SASH1: variants seen among roughly 807,000 people sequenced by gnomAD.
The protein encoded by SASH1 is SAM and SH3 domain containing 1.
Under a neutral mutation model 125.2 loss-of-function variants are expected in SASH1, and 44 were observed. That is an observed-to-expected ratio of 0.35 (90% CI 0.28 to 0.45). SASH1 has a LOEUF of 0.45. Among genes scored for constraint, SASH1 ranks in the 20% least tolerant of loss-of-function variants. SASH1 has a pLI of 1.00. For synonymous variants in SASH1, 639 were observed against 649.1 expected (o/e 0.98, Z 0.24); for missense variants, 1,426 against 1,614.5 (o/e 0.88, Z 2.00).
chr6:148,370,527 A>C (rs1782665847), intron 1 of SASH1, among the ~76,000 whole-genome samples: 1 of 152,128 alleles, frequency 6.6e-6, no homozygotes, highest in Admixed American at 6.5e-5. Flanking sequence ...CTTTTTCAAA[A>C]ATATATTCTG....
chr6:148,469,641 G>A (rs1016498747), intron 5 of SASH1, among the ~76,000 whole-genome samples: 9 of 152,152 alleles, frequency 5.9e-5, no homozygotes, highest in Non-Finnish European at 1.0e-4. Context: ...GCTGAGGTGG[G>A]CGGATCCCTT....
chr6:148,424,936 C>G (rs1775745812), intron 2 of SASH1, among the ~76,000 whole-genome samples: 1 of 152,146 alleles, frequency 6.6e-6, no homozygotes, highest in African/African-American at 2.4e-5. Context: ...TTTAAGAAGC[C>G]CTCCAGGGAT....
the SASH1 span, among the ~76,000 whole-genome samples, chr6:148,242,766 G>T: frequency 6.6e-6 from 1 of 152,078 alleles, no homozygotes. Flanking sequence ...CCCTTATGCC[G>T]TTGGTTCATC....
the SASH1 span, among the ~76,000 whole-genome samples, chr6:148,197,465 CTTGAG>C: frequency 1.1e-3 from 171 of 152,292 alleles, no homozygotes; most frequent in South Asian, 2.3e-3. Context: ...CTCCCTGTCC[CTTGAG>C]TTAACCAAGT....
chr6:148,321,298 C>T (rs1780627337), intron 1 of SASH1, among the ~76,000 whole-genome samples: 2 of 150,762 alleles, frequency 1.3e-5, no homozygotes, highest in Non-Finnish European at 2.9e-5. Context: ...AGCTGAGGCA[C>T]GAGAATCTCT....
chr6:148,298,667 GAGGAAGGA>G (rs71031057), intron 1 of SASH1, among the ~76,000 whole-genome samples: 3,078 of 55,454 alleles, frequency 0.056, 113 homozygotes, highest in Admixed American at 0.083. Context: ...GGGAGGGAGG[GAGGAAGGA>G]AGGAAGGAAG....
intron 1 of SASH1, among the ~76,000 whole-genome samples, chr6:148,354,311 GT>G (rs1260656957): frequency 4.6e-5 from 7 of 152,118 alleles, no homozygotes; most frequent in African/African-American, 1.7e-4. Context: ...GCCATTTTTA[GT>G]TTTTTTATGT....
At chr6:148,478,384 T>C (rs1416591793) in intron 7 of SASH1, among the ~76,000 whole-genome samples, 5 of 152,080 alleles carry the variant, frequency 3.3e-5, no homozygotes, top group Admixed American at 6.6e-5. Context: ...ACAACATGGA[T>C]AGAATTGGAG....
chr6:148,468,332 C>T (rs922231373), intron 4 of SASH1, among the ~76,000 whole-genome samples: 4 of 152,184 alleles, frequency 2.6e-5, no homozygotes, highest in African/African-American at 4.8e-5. Context: ...GTCTCACCTT[C>T]GAGTGAGTCT....
At chr6:148,491,493 C>A (rs1226906912) in intron 8 of SASH1, among the ~76,000 whole-genome samples, 1 of 152,178 alleles carries the variant, frequency 6.6e-6, no homozygotes, top group East Asian at 1.9e-4. Flanking sequence ...TGGTCTCGAA[C>A]CTCTGACCTC....
chr6:148,518,620 C>T (rs780489482), intron 9 of SASH1, among the ~76,000 whole-genome samples: 9 of 152,246 alleles, frequency 5.9e-5, no homozygotes, highest in East Asian at 1.9e-4. Context: ...CACAATTCAG[C>T]GGGTGGAAAG....
chr6:148,368,984 G>A (rs1583035419), intron 1 of SASH1, among the ~76,000 whole-genome samples: 4 of 152,284 alleles, frequency 2.6e-5, no homozygotes, highest in Middle Eastern at 3.4e-3. Flanking sequence ...TGGAAGATAC[G>A]GATCCATTCA....
chr6:148,254,091 C>T, the SASH1 span, among the ~76,000 whole-genome samples: 3 of 151,904 alleles, frequency 2.0e-5, no homozygotes, highest in Non-Finnish European at 4.4e-5. Flanking sequence ...CCTGTAATCC[C>T]AGCTACTTGG....
intron 17 of SASH1, among the ~76,000 whole-genome samples, chr6:148,541,439 G>A (rs1782210528): frequency 6.6e-6 from 1 of 151,978 alleles, no homozygotes; most frequent in East Asian, 1.9e-4. Context: ...AAATATCAGA[G>A]AGCATCCCCT....
intron 8 of SASH1, among the ~76,000 whole-genome samples, chr6:148,503,329 G>A (rs1399028463): frequency 1.3e-5 from 2 of 151,838 alleles, no homozygotes; most frequent in African/African-American, 4.8e-5. Context: ...AAAAAAGAAT[G>A]TGTTAGACAT....
intron 1 of SASH1, among the ~76,000 whole-genome samples, chr6:148,359,684 A>G (rs2114699865): frequency 6.6e-6 from 1 of 152,324 alleles, no homozygotes; most frequent in South Asian, 2.1e-4. Context: ...GTGCTATCAC[A>G]CAGTATAGTA....
Position 148,398,154 on chromosome 6 carries a change from A to G in SASH1, c.285+7892A>G, listed in dbSNP as rs138558515. 1.2e-3 allele frequency among the ~76,000 whole-genome samples: 189 copies of G among 152,354 alleles called. 6 individuals are homozygous for G. The East Asian group carries it at 0.035, about 28-fold the overall frequency. ...TATGGTATAAACGATGTGAGGGGAA[A>G]AAAGAGGCAGGCTGTTCTTTCACAG... is the stretch of plus-strand genomic sequence containing the variant. On this transcript the variant is annotated intron_variant, in intron 2 of 19. Coordinates refer to ENST00000367467, the MANE Select transcript of SASH1 (RefSeq NM_015278.5).
intron 1 of SASH1, among the ~76,000 whole-genome samples, chr6:148,379,611 C>T (rs1783053221): frequency 6.6e-6 from 1 of 152,108 alleles, no homozygotes; most frequent in Non-Finnish European, 1.5e-5. Flanking sequence ...ATCAATCCAT[C>T]CATCCATCCA....
At chr6:148,478,782 C>A in intron 7 of SASH1, 1 of 154,368 alleles carries the variant, frequency 6.5e-6, no homozygotes. Flanking sequence ...CCATGCTGCT[C>A]ATCTCCTGCG....
Sources: allele counts gnomAD v4.1 joint callset (sites outside exome capture counted in the v4.1 genomes callset), GRCh38; gene constraint gnomAD v4.1.1; transcripts MANE v1.5; gene names NCBI Gene and HGNC (gene_info 2026-07-23, HGNC 2026-07-21).